Variants in FARSB observed in about 807,000 individuals in gnomAD.
FARSB encodes phenylalanine--tRNA ligase beta subunit.
In FARSB, 40 loss-of-function variants were observed where a neutral mutation model predicts 69.6. The ratio of observed to expected loss-of-function variants is 0.57; its 90% CI spans 0.45 to 0.75. FARSB has a LOEUF of 0.75. Among genes scored for constraint, FARSB ranks in the 30% least tolerant of loss-of-function variants. FARSB has a pLI of 0.00. For missense variants in FARSB, 632 were observed against 722.9 expected, an observed-to-expected ratio of 0.87 and a Z score of 1.44; for synonymous variants, 235 against 247.2, an observed-to-expected ratio of 0.95 and a Z score of 0.46.
intron 2 of FARSB, among the ~76,000 whole-genome samples, chr2:222,645,552 TAGA>T (rs1275500216): frequency 6.6e-6 from 1 of 151,906 alleles, no homozygotes; most frequent in East Asian, 1.9e-4. Context: ...TAGGTGAAGA[TAGA>T]AGGCTTAGGA....
In FARSB at chr2:222,624,650, G is replaced by A. The variant is rs182141372; in HGVS notation, c.962+64C>T. On this transcript the variant is annotated intron_variant, in intron 11 of 16. Transcript: ENST00000281828. The stretch of plus-strand genomic sequence containing the variant: ...ATTCCTTAACAGACTCTGAAGGATC[G>A]CAAAAAAAAAATTAGTCATACGTGT... The A allele has an allele frequency of 3.3e-3, 3,752 of 1,128,082 alleles. 24 individuals are homozygous for A. Among genetic ancestry groups the A allele is most frequent in the Non-Finnish European group, 2.5e-3 (1,897 of 767,394 alleles). 69.9% of individuals were successfully genotyped at this position (1,128,082 alleles called of 1,614,324 possible).
intron 16 of FARSB, among the ~76,000 whole-genome samples, chr2:222,578,560 C>T (rs1391555604): frequency 6.6e-6 from 1 of 152,200 alleles, no homozygotes; most frequent in East Asian, 1.9e-4. Context: ...AAAAAGGAGG[C>T]CGGGCACGGT....
intron 16 of FARSB, among the ~76,000 whole-genome samples, chr2:222,593,604 G>T (rs780185158): frequency 6.6e-6 from 1 of 152,112 alleles, no homozygotes; most frequent in Non-Finnish European, 1.5e-5. Context: ...AAGACTAGGC[G>T]TGGTGGCTCA....
At chr2:222,591,083 A>G (rs1170495024) in intron 16 of FARSB, among the ~76,000 whole-genome samples, 1 of 151,916 alleles carries the variant, frequency 6.6e-6, no homozygotes, top group Non-Finnish European at 1.5e-5. Context: ...GTGTGTACCT[A>G]TAGTCCTGGC....
At chr2:222,631,163 G>A (rs1691412396) in intron 8 of FARSB, among the ~76,000 whole-genome samples, 1 of 150,836 alleles carries the variant, frequency 6.6e-6, no homozygotes, top group African/African-American at 2.5e-5. Flanking sequence ...ACTAAATAAA[G>A]CTTCTTCATC....
At chr2:222,601,611 A>G (rs910332851) in intron 15 of FARSB, among the ~76,000 whole-genome samples, 2 of 152,174 alleles carry the variant, frequency 1.3e-5, no homozygotes, top group African/African-American at 4.8e-5. Context: ...ATTAGTATAT[A>G]TTATTCTACT....
At position 222,634,493 on chromosome 2, in the gene FARSB, C is replaced by A; in HGVS notation, c.504G>T (p.Ser168=). The A allele has an allele frequency of 6.2e-7, 1 of 1,612,884 alleles. No homozygotes were observed. The highest frequency in any genetic ancestry group is 8.5e-7 in the Non-Finnish European group (1 of 1,179,280). Residue 168 remains serine (S), a synonymous_variant, in exon 6 of 17, where the codon TCG becomes TCT. Coordinates refer to ENST00000281828, the MANE Select transcript of FARSB (RefSeq NM_005687.5). ...AIGTHDLDTL[S]GPFTYTAKRP... is the part of the protein sequence containing the mutation. ...GCTTTGCAGTATAAGTAAATGGGCC[C>A]GACAAAGTGTCCAAATCATGGGTAC...
Position 222,648,799 on chromosome 2 carries a change from G to C in FARSB, c.59-4C>G. On this transcript the variant is annotated splice_polypyrimidine_tract_variant and splice_region_variant and intron_variant, in intron 1 of 16. Coordinates refer to ENST00000281828, the MANE Select transcript of FARSB (RefSeq NM_005687.5). Reference sequence around the variant, plus strand: ...AGTTCATCAAATTCTTCGTCAGCTAGGAAAATAAAAAAGGAGATGGTTAAT... The same window carrying C: ...AGTTCATCAAATTCTTCGTCAGCTACGAAAATAAAAAAGGAGATGGTTAAT... 1 of 1,596,012 alleles carries C rather than the reference G, an allele frequency of 6.3e-7. No individual in the cohort carries two copies. Among genetic ancestry groups the C allele is most frequent in the Non-Finnish European group, 8.6e-7 (1 of 1,163,782 alleles).
chr2:222,655,368 A>C (rs936133058), intron 1 of FARSB, among the ~76,000 whole-genome samples: 2 of 152,192 alleles, frequency 1.3e-5, no homozygotes, highest in Non-Finnish European at 2.9e-5. Flanking sequence ...CAGGTCTCAG[A>C]TCAAATGTTA....
chr2:222,633,801 A>G (rs1430756277), intron 6 of FARSB, among the ~76,000 whole-genome samples: 1 of 152,210 alleles, frequency 6.6e-6, no homozygotes. Context: ...CCAGTATTCA[A>G]TGAACACAAT....
At chr2:222,589,515 T>G (rs868812144) in intron 16 of FARSB, among the ~76,000 whole-genome samples, 15 of 148,028 alleles carry the variant, frequency 1.0e-4, no homozygotes, top group South Asian at 8.3e-4. Context: ...AGACAAATGG[T>G]ATCTAATTAA....
At chr2:222,611,251 T>C (rs924783451) in intron 15 of FARSB, among the ~76,000 whole-genome samples, 3 of 151,780 alleles carry the variant, frequency 2.0e-5, no homozygotes, top group African/African-American at 7.3e-5. Flanking sequence ...AATGAATCAA[T>C]GGAGAAAATA....
chr2:222,651,269 AAC>A (rs1273582217), intron 1 of FARSB, among the ~76,000 whole-genome samples: 1 of 152,260 alleles, frequency 6.6e-6, no homozygotes, highest in Non-Finnish European at 1.5e-5. Context: ...TAAGATTTCC[AAC>A]CAGTGTTCAC....
intron 5 of FARSB, among the ~76,000 whole-genome samples, chr2:222,638,717 T>G (rs1691645355): frequency 6.6e-6 from 1 of 152,214 alleles, no homozygotes; most frequent in Non-Finnish European, 1.5e-5. Context: ...CTCTACAGTT[T>G]ACTAAACTAC....
intron 2 of FARSB, among the ~76,000 whole-genome samples, 178 bp from the exon 3 acceptor site, chr2:222,643,183 C>A (rs1003566279): frequency 3.9e-5 from 6 of 152,152 alleles, no homozygotes; most frequent in Non-Finnish European, 7.4e-5. Context: ...ATAATCATAG[C>A]AGACAGAAAA....
At chr2:222,613,492 C>T (rs1690909972) in intron 15 of FARSB, among the ~76,000 whole-genome samples, 1 of 152,188 alleles carries the variant, frequency 6.6e-6, no homozygotes, top group Non-Finnish European at 1.5e-5. Flanking sequence ...TTGCAGTGAG[C>T]TGATATCAGG....
rs74320753 is a variant in FARSB at position 222,625,491 on chromosome 2, G to A, written c.901-716C>T. ...TCTGGAACCTTGCTACTCAAAATGC[G>A]GTCCTCAGAGCAGAAGCACTAGCAT... is the stretch of plus-strand genomic sequence containing the variant. On this transcript the variant is annotated intron_variant, in intron 10 of 16. Transcript: ENST00000281828. 8.7e-3 allele frequency among the ~76,000 whole-genome samples: 1,321 copies of A among 152,254 alleles called. 18 individuals are homozygous for A. Among genetic ancestry groups the A allele is most frequent in the African/African-American group, 0.03 (1,241 of 41,542 alleles).
At position 222,632,532 on chromosome 2, in the gene FARSB, C is replaced by T. The variant is rs532279957; in HGVS notation, c.715+667G>A. ...TAAGCCTCCTTCTTACCTCCAGAAA[C>T]GCAAACATCTATGTCTCAGACATCA... is the stretch of plus-strand genomic sequence containing the variant. On this transcript the variant is annotated intron_variant, in intron 7 of 16. Coordinates refer to ENST00000281828, the MANE Select transcript of FARSB (RefSeq NM_005687.5). 8.5e-5 allele frequency among the ~76,000 whole-genome samples: 13 copies of T among 152,304 alleles called. No individual in the cohort carries two copies. The East Asian group carries it at 1.2e-3, about 14-fold the overall frequency.
intron 16 of FARSB, among the ~76,000 whole-genome samples, chr2:222,599,522 CT>C (rs1394816781): frequency 2.0e-5 from 3 of 152,142 alleles, no homozygotes; most frequent in South Asian, 4.1e-4. Context: ...TTTTTGTTTT[CT>C]TTTTTCTTTT....
Sources: allele counts gnomAD v4.1 joint callset (sites outside exome capture counted in the v4.1 genomes callset), GRCh38; gene constraint gnomAD v4.1.1; transcripts MANE v1.5; gene names NCBI Gene and HGNC (gene_info 2026-07-23, HGNC 2026-07-21).